Variants in ADGRB3 observed in about 807,000 individuals in gnomAD.
The protein encoded by ADGRB3 is adhesion G protein-coupled receptor B3.
Under a neutral mutation model 193.4 loss-of-function variants are expected in ADGRB3, and 37 were observed. The observed-to-expected ratio is 0.19, with a 90% CI of 0.15 to 0.25. The LOEUF (loss-of-function observed/expected upper bound fraction) is 0.25. Ranked by LOEUF, ADGRB3 falls within the 10% of genes least tolerant of loss-of-function variation. The pLI is 1.00. For synonymous variants in ADGRB3, 690 were observed against 644.2 expected, an observed-to-expected ratio of 1.07 and a Z score of -1.08; for missense variants, 1,637 against 1,852.9, an observed-to-expected ratio of 0.88 and a Z score of 2.14.
intron 3 of ADGRB3, among the ~76,000 whole-genome samples, chr6:68,744,999 G>A (rs1434240033): frequency 6.6e-6 from 1 of 152,068 alleles, no homozygotes; most frequent in African/African-American, 2.4e-5. Flanking sequence ...TAAAAAAGAT[G>A]GAAAGTGCCC....
At chr6:69,155,358 C>T (rs1026684841) in intron 17 of ADGRB3, among the ~76,000 whole-genome samples, 2 of 152,146 alleles carry the variant, frequency 1.3e-5, no homozygotes, top group Admixed American at 6.5e-5. Context: ...GTTTTGTGTG[C>T]TTGTTTTCAT....
intron 3 of ADGRB3, among the ~76,000 whole-genome samples, chr6:68,856,596 C>A (rs1764991924): frequency 6.6e-6 from 1 of 152,088 alleles, no homozygotes; most frequent in Non-Finnish European, 1.5e-5. Flanking sequence ...GAATACCTGG[C>A]AGAAGAAATT....
At chr6:68,639,692 C>T (rs916891505) in intron 3 of ADGRB3, among the ~76,000 whole-genome samples, 1 of 152,114 alleles carries the variant, frequency 6.6e-6, no homozygotes, top group Non-Finnish European at 1.5e-5. Context: ...ATGCAGAAAC[C>T]TAGAGCCAGC....
intron 3 of ADGRB3, among the ~76,000 whole-genome samples, chr6:68,661,533 G>GTA (rs1561986486): frequency 2.0e-5 from 1 of 50,054 alleles, no homozygotes; most frequent in East Asian, 1.4e-3. Flanking sequence ...ATATATATGT[G>GTA]TATACATATA....
At chr6:68,846,282 T>A (rs1449621413) in intron 3 of ADGRB3, among the ~76,000 whole-genome samples, 2 of 152,050 alleles carry the variant, frequency 1.3e-5, no homozygotes, top group Admixed American at 6.6e-5. Context: ...ATTTGGAAAA[T>A]TTGCATCCTA....
Position 69,062,982 on chromosome 6 carries a change from T to C in ADGRB3, c.2382T>C (p.Pro794=), listed in dbSNP as rs147943334. The C allele has an allele frequency of 1.9e-5, 30 of 1,612,436 alleles. No individual in the cohort carries two copies. Among genetic ancestry groups the C allele is most frequent in the Admixed American group, 1.2e-4 (7 of 59,798 alleles). Residue 794 remains proline, a synonymous_variant, in exon 16 of 32, where the codon CCT becomes CCC. Coordinates refer to ENST00000370598, the MANE Select transcript of ADGRB3 (RefSeq NM_001704.3). ...NSKIIVVTIR[P]EPKTTDSFLE... ...AAATCATCGTGGTCACAATAAGGCCTGAACCCAAAACAACCGATTCGTTTC... is the reference window on the plus strand; with the variant it reads ...AAATCATCGTGGTCACAATAAGGCCCGAACCCAAAACAACCGATTCGTTTC...
At chr6:69,262,385 T>C (rs1766948134) in intron 20 of ADGRB3, among the ~76,000 whole-genome samples, 1 of 152,058 alleles carries the variant, frequency 6.6e-6, no homozygotes, top group Non-Finnish European at 1.5e-5. Context: ...AAGGAGGTTT[T>C]ATTTTTTTCT....
intron 3 of ADGRB3, among the ~76,000 whole-genome samples, chr6:68,861,060 C>T (rs1183898702): frequency 6.6e-6 from 1 of 152,118 alleles, no homozygotes; most frequent in African/African-American, 2.4e-5. Flanking sequence ...CTCATGGACC[C>T]TGGAGAGAGT....
At chr6:69,375,897 C>G (rs546270504) in intron 30 of ADGRB3, among the ~76,000 whole-genome samples, 2 of 151,796 alleles carry the variant, frequency 1.3e-5, no homozygotes, top group South Asian at 4.2e-4. Flanking sequence ...GAACCAAGAT[C>G]GTGCCGCTGC....
At chr6:68,815,364 G>A (rs1286212731) in intron 3 of ADGRB3, among the ~76,000 whole-genome samples, 4 of 152,044 alleles carry the variant, frequency 2.6e-5, no homozygotes, top group Non-Finnish European at 5.9e-5. Flanking sequence ...CAGTATTGAC[G>A]TGATTAGTCA....
At position 69,075,983 on chromosome 6, in the gene ADGRB3, C is replaced by T; in HGVS notation, c.2437-12C>T. ...TCAAGATATATGCATTCTTTCTCTG[C>T]TTTTTTTTTAGGGTACTTTGAATCC... On this transcript the variant is annotated splice_polypyrimidine_tract_variant and intron_variant, in intron 16 of 31. Coordinates refer to ENST00000370598, the MANE Select transcript of ADGRB3 (RefSeq NM_001704.3). 1.3e-6 allele frequency: 2 copies of T among 1,540,064 alleles called. No individual in the cohort carries two copies. The highest frequency in any genetic ancestry group is 1.8e-6 in the Non-Finnish European group (2 of 1,125,338).
At chr6:69,041,189 G>T (rs574180656) in intron 13 of ADGRB3, among the ~76,000 whole-genome samples, 33 of 152,186 alleles carry the variant, frequency 2.2e-4, no homozygotes, top group African/African-American at 7.5e-4. Flanking sequence ...CCAGCCTTTT[G>T]GGAAAGAGAT....
intron 3 of ADGRB3, among the ~76,000 whole-genome samples, chr6:68,789,708 A>G (rs1006066376): frequency 6.6e-6 from 1 of 152,188 alleles, no homozygotes; most frequent in Admixed American, 6.5e-5. Context: ...CTGCCTTGCT[A>G]GATTGGGGAA....
At chr6:68,827,070 A>AGT (rs1196741234) in intron 3 of ADGRB3, among the ~76,000 whole-genome samples, 1 of 152,150 alleles carries the variant, frequency 6.6e-6, no homozygotes, top group Non-Finnish European at 1.5e-5. Context: ...AGCTCCCCAA[A>AGT]GTAGTGAGTA....
intron 20 of ADGRB3, among the ~76,000 whole-genome samples, chr6:69,258,252 G>T (rs974206787): frequency 5.9e-5 from 9 of 152,194 alleles, no homozygotes; most frequent in African/African-American, 2.2e-4. Context: ...GATTGAAAAT[G>T]ATGAAGAGGA....
At chr6:69,040,694 A>AAAAAAAAAAAAC in intron 13 of ADGRB3, among the ~76,000 whole-genome samples, 1 of 145,930 alleles carries the variant, frequency 6.9e-6, no homozygotes. Flanking sequence ...AAAAAAAAAA[A>AAAAAAAAAAAAC]AAAAAAAAAA....
chr6:69,318,582 G>T (rs1186762581), intron 20 of ADGRB3, among the ~76,000 whole-genome samples: 2 of 151,174 alleles, frequency 1.3e-5, no homozygotes, highest in Middle Eastern at 3.2e-3. Flanking sequence ...AAAATGAGTT[G>T]GATACTTCTA....
rs371274631 is a variant in ADGRB3, at chr6:68,878,076, T to G, written c.758-52483T>G. Among the ~76,000 whole-genome samples, 10 of 152,234 alleles carry G rather than the reference T, an allele frequency of 6.6e-5. No individual in the cohort carries two copies. The East Asian group carries it at 1.5e-3, about 23-fold the overall frequency. On this transcript the variant is annotated intron_variant, in intron 3 of 31. Coordinates refer to ENST00000370598, the MANE Select transcript of ADGRB3 (RefSeq NM_001704.3). ...ACTATAATTCCTGTTGCTGTATGATTAACTTTTTCATTATATTAAACTTAA... is the reference window on the plus strand; with the variant it reads ...ACTATAATTCCTGTTGCTGTATGATGAACTTTTTCATTATATTAAACTTAA...
intron 3 of ADGRB3, among the ~76,000 whole-genome samples, chr6:68,817,707 C>T (rs1386470812): frequency 1.3e-5 from 2 of 151,818 alleles, no homozygotes; most frequent in African/African-American, 4.8e-5. Context: ...GATAAGCCCT[C>T]AATAAATTAT....
Sources: allele counts gnomAD v4.1 joint callset (sites outside exome capture counted in the v4.1 genomes callset), GRCh38; gene constraint gnomAD v4.1.1; transcripts MANE v1.5; gene names NCBI Gene and HGNC (gene_info 2026-07-23, HGNC 2026-07-21).